The following NUP62CL variants were observed in gnomAD, a reference collection of about 807,000 sequenced individuals.
The protein encoded by NUP62CL is nucleoporin 62 C-terminal like.
A neutral mutation model predicts 15.3 loss-of-function variants in NUP62CL; 13 were observed. The observed-to-expected ratio is 0.85, with a 90% confidence interval of 0.55 to 1.35. The LOEUF is 1.35. Among genes scored for constraint, NUP62CL ranks in the 40% most tolerant of loss-of-function variants. NUP62CL has a pLI of 0.00. For synonymous variants in NUP62CL, 54 were observed against 49.2 expected (o/e 1.10, Z -0.41); for missense variants, 123 against 130.6 (o/e 0.94, Z 0.28).
At chrX:107,185,330 A>G (rs954672886) in intron 2 of NUP62CL, among the ~76,000 whole-genome samples, 5 of 111,754 alleles carry the variant, frequency 4.5e-5, no homozygotes, top group Non-Finnish European at 3.8e-5. Flanking sequence ...TAAATATAAT[A>G]GGCTTTCCTT....
At chrX:107,181,105 G>A (rs1383046692) in intron 2 of NUP62CL, among the ~76,000 whole-genome samples, 1 of 105,372 alleles carries the variant, frequency 9.5e-6, no homozygotes, top group South Asian at 4.7e-4. Context: ...CTGTAGTGAC[G>A]AGGTTTCACC....
intron 2 of NUP62CL, among the ~76,000 whole-genome samples, chrX:107,187,448 A>G (rs950478245): frequency 1.3e-4 from 15 of 112,277 alleles, no homozygotes; most frequent in African/African-American, 4.5e-4. Flanking sequence ...CCCAGGCTGG[A>G]GGGCAGTGGT....
intron 2 of NUP62CL, among the ~76,000 whole-genome samples, chrX:107,189,372 CT>C (rs1927150514): frequency 9.0e-6 from 1 of 111,227 alleles, no homozygotes; most frequent in South Asian, 3.8e-4. Flanking sequence ...TTCATAGCAG[CT>C]TTATTCATAA....
chrX:107,183,547 C>A (rs1926966426), intron 2 of NUP62CL, among the ~76,000 whole-genome samples: 1 of 111,787 alleles, frequency 8.9e-6, no homozygotes, highest in Non-Finnish European at 1.9e-5. Context: ...ACCAAAGGAA[C>A]AATATGGTGG....
At chrX:107,126,075 A>T (rs1432975767) in intron 8 of NUP62CL, among the ~76,000 whole-genome samples, 2 of 112,204 alleles carry the variant, frequency 1.8e-5, no homozygotes, top group Non-Finnish European at 3.8e-5. Context: ...ACATATTGAC[A>T]TTATTAAAAA....
intron 3 of NUP62CL, among the ~76,000 whole-genome samples, chrX:107,170,611 A>C (rs1257849198): frequency 9.1e-6 from 1 of 110,314 alleles, no homozygotes; most frequent in East Asian, 2.8e-4. Context: ...ACGGGGTTTC[A>C]CTGTGTTAGC....
chrX:107,201,713 A>AC (rs1016635013), intron 1 of NUP62CL, among the ~76,000 whole-genome samples: 3 of 109,950 alleles, frequency 2.7e-5, no homozygotes, highest in Non-Finnish European at 5.7e-5. Flanking sequence ...GGATCACTTG[A>AC]CCCCAGGAGT....
intron 2 of NUP62CL, among the ~76,000 whole-genome samples, chrX:107,185,196 C>CA (rs3072235): frequency 0.062 from 1,286 of 20,859 alleles, 225 homozygotes; most frequent in Admixed American, 0.079. Flanking sequence ...GACTCCGTCT[C>CA]AAAAAAAAAA....
rs1331842983 is a variant in NUP62CL, at chrX:107,153,168, T to A, written c.530+4A>T. 1.7e-6 allele frequency: 2 copies of A among 1,196,691 alleles called. No homozygotes were observed. The highest frequency in any genetic ancestry group is 1.8e-5 in the African/African-American group (1 of 56,269). ...CATTCTTCAATCTTTTTTCAGTTAC[T>A]TACATCTCCACATGCTCCTCATCTG... On this transcript the variant is annotated splice_donor_region_variant and intron_variant, in intron 7 of 8. Transcript: ENST00000372466.
intron 8 of NUP62CL, among the ~76,000 whole-genome samples, chrX:107,138,023 TTTTTTG>T (rs1431871977): frequency 9.0e-6 from 1 of 111,371 alleles, no homozygotes; most frequent in African/African-American, 3.3e-5. Context: ...GTCAAACAGG[TTTTTTG>T]TTGTTGTTGT....
At chrX:107,203,279 T>A (rs1927530859) in intron 1 of NUP62CL, among the ~76,000 whole-genome samples, 1 of 107,378 alleles carries the variant, frequency 9.3e-6, no homozygotes, top group African/African-American at 3.4e-5. Flanking sequence ...AATCTTGTTC[T>A]GTCGCCCAGG....
intron 3 of NUP62CL, among the ~76,000 whole-genome samples, chrX:107,169,059 C>G (rs1926582446): frequency 8.9e-6 from 1 of 112,204 alleles, no homozygotes; most frequent in Non-Finnish European, 1.9e-5. Flanking sequence ...ACAAAAAGCT[C>G]TAGTGAAACA....
intron 7 of NUP62CL, among the ~76,000 whole-genome samples, chrX:107,152,049 G>GATATAT (rs778670339): frequency 1.3e-3 from 54 of 41,118 alleles, no homozygotes; most frequent in African/African-American, 5.9e-3. Flanking sequence ...TATATATTCA[G>GATATAT]ATATATATAT....
At chrX:107,172,125 A>G (rs1241176335) in intron 3 of NUP62CL, among the ~76,000 whole-genome samples, 1 of 105,140 alleles carries the variant, frequency 9.5e-6, no homozygotes, top group African/African-American at 3.5e-5. Context: ...GGAGTTTGAG[A>G]CCAGCCTGGA....
At chrX:107,180,905 T>C (rs1233326056) in intron 2 of NUP62CL, among the ~76,000 whole-genome samples, 6 of 108,582 alleles carry the variant, frequency 5.5e-5, no homozygotes, top group Non-Finnish European at 7.6e-5. Flanking sequence ...AAAAAATTTA[T>C]GGTTTCGCTT....
chrX:107,131,956 C>T, intron 8 of NUP62CL: 1 of 1,024,807 alleles, frequency 9.8e-7, no homozygotes, highest in East Asian at 3.0e-5. Flanking sequence ...GACAAGAACT[C>T]TTCTGACAGA....
At chrX:107,202,033 A>G (rs1409758356) in intron 1 of NUP62CL, among the ~76,000 whole-genome samples, 1 of 112,203 alleles carries the variant, frequency 8.9e-6, no homozygotes, top group African/African-American at 3.2e-5. Context: ...TTATGGCCAC[A>G]TGTCAGGGCA....
Position 107,141,480 on chromosome X carries a change from C to T in NUP62CL, c.*42+6263G>A, listed in dbSNP as rs192653695. Among the ~76,000 whole-genome samples, 343 of 111,638 alleles carry T rather than the reference C, an allele frequency of 3.1e-3. 2 individuals are homozygous for T. Among genetic ancestry groups the T allele is most frequent in the Non-Finnish European group, 5.6e-3 (295 of 53,070 alleles). On this transcript the variant is annotated intron_variant, in intron 8 of 8. Coordinates refer to ENST00000372466, the MANE Select transcript of NUP62CL (RefSeq NM_017681.3). ...AACAGAGATATCTTTGTGTTGCTGC[C>T]GCATCTCTGGCAGAACAAGGGCATT... is the stretch of plus-strand genomic sequence containing the variant.
intron 4 of NUP62CL, among the ~76,000 whole-genome samples, chrX:107,156,372 A>G (rs370461580): frequency 4.0e-5 from 4 of 100,889 alleles, no homozygotes; most frequent in South Asian, 1.0e-3. Flanking sequence ...GCAGACTTAA[A>G]TGTCCCTGTC....
Sources: allele counts gnomAD v4.1 joint callset (sites outside exome capture counted in the v4.1 genomes callset), GRCh38; gene constraint gnomAD v4.1.1; transcripts MANE v1.5; gene names NCBI Gene and HGNC (gene_info 2026-07-23, HGNC 2026-07-21).